ZNF677: variants seen among roughly 807,000 people sequenced by gnomAD.
The protein encoded by ZNF677 is zinc finger protein 677.
In ZNF677, 5 loss-of-function variants were observed where a neutral mutation model predicts 8.1. That is an observed-to-expected ratio of 0.62 (90% CI 0.32 to 1.29). The LOEUF is 1.29. ZNF677 is among the 50% of genes most tolerant of loss of function. The pLI is 0.05. For missense variants in ZNF677, 685 were observed against 685.9 expected (o/e 1.00, Z 0.01); for synonymous variants, 221 against 225.6 (o/e 0.98, Z 0.18).
chr19:53,246,899 A>G (rs2965226), intron 3 of ZNF677, among the ~76,000 whole-genome samples: 111,909 of 151,976 alleles, frequency 0.74, 41,713 homozygotes, highest in African/African-American at 0.85. Context: ...TAATAAAGAC[A>G]GCAAGAAAAA....
At chr19:53,253,563 T>G (rs1158207918) in intron 1 of ZNF677, among the ~76,000 whole-genome samples, 2 of 152,136 alleles carry the variant, frequency 1.3e-5, no homozygotes, top group Non-Finnish European at 2.9e-5. Context: ...GGCGCATGCC[T>G]TTAATCCCAG....
intron 2 of ZNF677, among the ~76,000 whole-genome samples, chr19:53,252,061 CAGG>C (rs2091243517): frequency 6.6e-6 from 1 of 152,122 alleles, no homozygotes; most frequent in Non-Finnish European, 1.5e-5. Flanking sequence ...GATATAACGC[CAGG>C]AGATGACATA....
At chr19:53,244,700 C>A (rs118051085) in intron 3 of ZNF677, among the ~76,000 whole-genome samples, 34 of 152,160 alleles carry the variant, frequency 2.2e-4, no homozygotes, top group African/African-American at 7.2e-4. Flanking sequence ...ACAGTCAATG[C>A]AATCCCTATC....
chr19:53,237,573 G>A lies in ZNF677; in HGVS notation c.1154C>T (p.Ala385Val), dbSNP rs781122431. 6.2e-7 allele frequency: 1 copy of A among 1,613,286 alleles called. No homozygotes were observed. Among genetic ancestry groups the A allele is most frequent in the South Asian group, 1.1e-5 (1 of 91,036 alleles). Residue 385 changes from alanine to valine, a missense_variant, in exon 5 of 5, where the codon GCT becomes GTT. Transcript: ENST00000598513. Reference sequence around the variant, plus strand: ...ATGTTGGGTAAGGCTTGAACGTTCAGCAAAGGCTTTGTCACATTCATTACA... The same window carrying A: ...ATGTTGGGTAAGGCTTGAACGTTCAACAAAGGCTTTGTCACATTCATTACA... Reference protein sequence around the residue: ...YKCNECDKAFAERSSLTQHKR... With the variant: ...YKCNECDKAFVERSSLTQHKR...
At chr19:53,245,708 G>A (rs1055118252) in intron 3 of ZNF677, among the ~76,000 whole-genome samples, 1 of 146,904 alleles carries the variant, frequency 6.8e-6, no homozygotes, top group Non-Finnish European at 1.5e-5. Context: ...AAACAGTACG[G>A]AGGTTCCTCA....
Position 53,238,199 on chromosome 19 carries a change from T to C in ZNF677, c.528A>G (p.Ile176Met), listed in dbSNP as rs1205573731. 1.2e-6 allele frequency: 2 copies of C among 1,613,946 alleles called. No homozygotes were observed. Among genetic ancestry groups the C allele is most frequent in the Non-Finnish European group, 1.7e-6 (2 of 1,179,946 alleles). Residue 176 changes from isoleucine to methionine, a missense_variant, in exon 5 of 5, where the codon ATA becomes ATG. Transcript: ENST00000598513. Reference protein sequence around the residue: ...IRNLLKLKNNIRYAGNKYVKC... With the variant: ...IRNLLKLKNNMRYAGNKYVKC... ...TCACGTATTTGTTTCCGGCATACCT[T>C]ATGTTATTTTTCAGTTTTAACAAAT...
chr19:53,238,220 C>G lies in ZNF677; in HGVS notation c.507G>C (p.Leu169Phe). ...FIHDKPFIRN[L>F]LKLKNNIRYA... ...ACCTTATGTTATTTTTCAGTTTTAACAAATTCCTTATAAATGGCTTGTCAT... is the reference window on the plus strand; with the variant it reads ...ACCTTATGTTATTTTTCAGTTTTAAGAAATTCCTTATAAATGGCTTGTCAT... Residue 169 changes from leucine (L) to phenylalanine (F), a missense_variant, in exon 5 of 5, where the codon TTG becomes TTC. Leu to Phe is a conservative substitution (Grantham distance 22, BLOSUM62 0). Transcript: ENST00000598513. 1.2e-6 allele frequency: 2 copies of G among 1,613,952 alleles called. No homozygotes were observed. Among genetic ancestry groups the G allele is most frequent in the Non-Finnish European group, 1.7e-6 (2 of 1,179,940 alleles).
At chr19:53,248,693 A>G (rs1754688397) in intron 3 of ZNF677, among the ~76,000 whole-genome samples, 1 of 152,212 alleles carries the variant, frequency 6.6e-6, no homozygotes, top group Non-Finnish European at 1.5e-5. Flanking sequence ...TTTGAGGGTC[A>G]CTGTACATGA....
chr19:53,252,557 G>A (rs1386710010), intron 2 of ZNF677, among the ~76,000 whole-genome samples: 1 of 152,152 alleles, frequency 6.6e-6, no homozygotes, highest in Non-Finnish European at 1.5e-5. Flanking sequence ...TTGATCCCAA[G>A]GATTTAACTC....
chr19:53,245,814 C>G (rs1016662091), intron 3 of ZNF677, among the ~76,000 whole-genome samples: 1 of 151,746 alleles, frequency 6.6e-6, no homozygotes, highest in African/African-American at 2.4e-5. Context: ...AAGTTCAAGA[C>G]CAGCCTGGCC....
chr19:53,254,396 G>C (rs1451572655), intron 1 of ZNF677, among the ~76,000 whole-genome samples: 1 of 151,978 alleles, frequency 6.6e-6, no homozygotes, highest in African/African-American at 2.4e-5. Context: ...TTCAGTCCCT[G>C]CTATTGTTTC....
At chr19:53,242,527 A>C in intron 4 of ZNF677, 2 of 397,164 alleles carry the variant, frequency 5.0e-6, no homozygotes, top group Admixed American at 4.4e-5. Flanking sequence ...GCTGAGTAAC[A>C]ATCTCAAAAG....
At chr19:53,254,007 C>T (rs1232345134) in intron 1 of ZNF677, among the ~76,000 whole-genome samples, 1 of 152,160 alleles carries the variant, frequency 6.6e-6, no homozygotes, top group Non-Finnish European at 1.5e-5. Flanking sequence ...TCAGTTAACC[C>T]TCTGGCTGAA....
intron 3 of ZNF677, among the ~76,000 whole-genome samples, chr19:53,246,911 A>C (rs1347817487): frequency 6.6e-6 from 1 of 152,176 alleles, no homozygotes; most frequent in African/African-American, 2.4e-5. Flanking sequence ...CAAGAAAAAA[A>C]CTTTCTGAGG....
At chr19:53,241,863 C>T (rs369096628) in intron 4 of ZNF677, 12 of 398,370 alleles carry the variant, frequency 3.0e-5, no homozygotes, top group African/African-American at 2.3e-4. Context: ...AGTTGTCCAT[C>T]GCCTATTGGT....
Position 53,237,815 on chromosome 19 carries a change from C to T in ZNF677, c.912G>A (p.Ser304=), listed in dbSNP as rs12984188. 696,763 of 1,612,722 alleles carry T rather than the reference C, an allele frequency of 0.43. 155,916 individuals are homozygous for T. The highest frequency in any genetic ancestry group is 0.76 in the East Asian group (34,094 of 44,840). Residue 304 remains serine (S), a synonymous_variant, in exon 5 of 5, where the codon TCG becomes TCA. Coordinates refer to ENST00000598513, the MANE Select transcript of ZNF677 (RefSeq NM_182609.4). The part of the protein sequence containing the change: ...NECGKAFNQC[S]NLTRHQRVHT... ...GGACTCTCTGATGCCTAGTGAGGTT[C>T]GAACACTGGTTAAAGGCTTTGCCAC... is the stretch of plus-strand genomic sequence containing the variant.
chr19:53,246,487 T>TATAC (rs2091143062), intron 3 of ZNF677, among the ~76,000 whole-genome samples: 2 of 140,358 alleles, frequency 1.4e-5, no homozygotes, highest in East Asian at 4.3e-4. Flanking sequence ...AAAGAAAATG[T>TATAC]ACACACACAC....
intron 3 of ZNF677, among the ~76,000 whole-genome samples, chr19:53,244,538 A>G (rs1160532436): frequency 6.6e-6 from 1 of 152,232 alleles, no homozygotes; most frequent in Admixed American, 6.5e-5. Context: ...AAATAAGCTT[A>G]CCCAAATAGG....
rs780366252 is a variant in ZNF677 at position 53,237,975 on chromosome 19, G to A, written c.752C>T (p.Thr251Ile). 1.2e-6 allele frequency: 2 copies of A among 1,612,596 alleles called. No homozygotes were observed. Among genetic ancestry groups the A allele is most frequent in the Admixed American group, 1.7e-5 (1 of 59,976 alleles). Residue 251 changes from threonine (T) to isoleucine (I), a missense_variant, in exon 5 of 5, where the codon ACA becomes ATA. Thr to Ile is a moderately conservative substitution (Grantham distance 89, BLOSUM62 -1). Coordinates refer to ENST00000598513, the MANE Select transcript of ZNF677 (RefSeq NM_182609.4). ...TCTAATGTGTGTTCTCCCATACTGT[G>A]TATGTAATAAAGGGTATTTCAAAAT... is the stretch of plus-strand genomic sequence containing the variant. ...RKILKYPLLHTQYGRTHIREK... is the reference protein window; with the variant it reads ...RKILKYPLLHIQYGRTHIREK...
Sources: allele counts gnomAD v4.1 joint callset (sites outside exome capture counted in the v4.1 genomes callset), GRCh38; gene constraint gnomAD v4.1.1; transcripts MANE v1.5; gene names NCBI Gene and HGNC (gene_info 2026-07-23, HGNC 2026-07-21).